BMP1: variants seen among roughly 807,000 people sequenced by gnomAD.
BMP1 encodes the protein bone morphogenetic protein 1, also known as mammalian tolloid protein.
BMP1 carries 63 observed loss-of-function variants against 116.8 expected under a neutral mutation model. That is an observed-to-expected ratio of 0.54 (90% CI 0.44 to 0.67). The LOEUF (loss-of-function observed/expected upper bound fraction) is 0.67. BMP1 is among the 30% of genes least tolerant of loss of function. The probability of loss-of-function intolerance (pLI) is 0.00; values close to 1 mark genes in which losing one functional copy is unlikely to be tolerated. For missense variants in BMP1, 1,183 were observed against 1,358.9 expected (o/e 0.87, Z 2.04); for synonymous variants, 536 against 533.4 (o/e 1.00, Z -0.07).
intron 19 of BMP1, among the ~76,000 whole-genome samples, chr8:22,210,708 G>T (rs1829449296): frequency 6.6e-6 from 1 of 152,150 alleles, no homozygotes; most frequent in African/African-American, 2.4e-5. Flanking sequence ...ACAAGGTGGA[G>T]CCTGAAGCAG....
chr8:22,193,807 G>A (rs1047932673), intron 9 of BMP1, among the ~76,000 whole-genome samples: 142 of 152,254 alleles, frequency 9.3e-4, no homozygotes, highest in Admixed American at 9.3e-3. Flanking sequence ...AAGATAAAAT[G>A]AAAAATAAAG....
intron 1 of BMP1, 21 bp downstream of exon 1, chr8:22,165,574 C>A (rs376619963): frequency 7.7e-5 from 120 of 1,566,170 alleles, no homozygotes; most frequent in South Asian, 1.3e-4. Context: ...CCCGGCCCCC[C>A]GGCGACGGGC....
chr8:22,168,685 G>A (rs1311547028), intron 1 of BMP1, among the ~76,000 whole-genome samples: 4 of 152,136 alleles, frequency 2.6e-5, no homozygotes, highest in Admixed American at 2.0e-4. Context: ...CTCTGAGGTC[G>A]AGAAGTAATC....
At chr8:22,172,726 C>T (rs1372879078) in intron 1 of BMP1, among the ~76,000 whole-genome samples, 1 of 150,444 alleles carries the variant, frequency 6.6e-6, no homozygotes, top group Non-Finnish European at 1.5e-5. Flanking sequence ...GATCCACCTG[C>T]CTCAGCCTCC....
At chr8:22,190,904 G>C (rs1479618991) in intron 8 of BMP1, among the ~76,000 whole-genome samples, 1 of 152,152 alleles carries the variant, frequency 6.6e-6, no homozygotes, top group African/African-American at 2.4e-5. Context: ...CGCTGCACTG[G>C]CCTCGCAGGT....
At chr8:22,178,744 C>T (rs1431803474) in intron 6 of BMP1, among the ~76,000 whole-genome samples, 2 of 152,074 alleles carry the variant, frequency 1.3e-5, no homozygotes, top group African/African-American at 4.8e-5. Flanking sequence ...GCCCAGCCTC[C>T]CCTCCCCCAA....
chr8:22,170,406 GTA>G (rs1828243940), intron 1 of BMP1: 1 of 152,322 alleles, frequency 6.6e-6, no homozygotes, highest in Non-Finnish European at 1.5e-5. Flanking sequence ...GGGGGTTCGT[GTA>G]TATGTCTTAT....
chr8:22,199,858 T>G (rs1036273044), intron 15 of BMP1, among the ~76,000 whole-genome samples: 3 of 152,166 alleles, frequency 2.0e-5, no homozygotes, highest in African/African-American at 2.4e-5. Context: ...TGGGAAGGAC[T>G]TGGGGACTCC....
intron 13 of BMP1, 90 bp downstream of exon 13, chr8:22,195,677 G>A: frequency 1.3e-6 from 2 of 1,527,044 alleles, no homozygotes; most frequent in Non-Finnish European, 8.8e-7. Flanking sequence ...ACAGGCTTTT[G>A]CTCTGTCACC....
intron 8 of BMP1, among the ~76,000 whole-genome samples, chr8:22,186,422 T>C (rs1252123889): frequency 6.6e-6 from 1 of 152,210 alleles, no homozygotes; most frequent in African/African-American, 2.4e-5. Flanking sequence ...CTGTGTGGTC[T>C]TGGGGAAGTT....
At chr8:22,195,423 A>G in intron 12 of BMP1, 39 bp from the exon 13 acceptor site, 2 of 1,570,138 alleles carry the variant, frequency 1.3e-6, no homozygotes, top group Non-Finnish European at 1.7e-6. Context: ...CTTCCCTTGA[A>G]TGCCTGGAGT....
intron 15 of BMP1, among the ~76,000 whole-genome samples, chr8:22,200,849 C>T (rs978676428): frequency 3.3e-5 from 5 of 152,176 alleles, no homozygotes; most frequent in African/African-American, 7.2e-5. Flanking sequence ...TAGTGGGCTA[C>T]GTGTGCCAAC....
intron 1 of BMP1, among the ~76,000 whole-genome samples, chr8:22,169,091 C>G (rs944772349): frequency 2.0e-5 from 3 of 150,584 alleles, no homozygotes; most frequent in African/African-American, 7.4e-5. Context: ...AGTTGGAGCT[C>G]GAGAGTTCAA....
intron 7 of BMP1, 125 bp from the exon 8 acceptor site, chr8:22,180,243 A>T: frequency 1.3e-6 from 1 of 766,536 alleles, no homozygotes; most frequent in South Asian, 1.6e-5. Flanking sequence ...ACCATTGCAG[A>T]CACCCTCCCA....
At chr8:22,199,501 G>A (rs975741334) in intron 15 of BMP1, 28 of 1,059,560 alleles carry the variant, frequency 2.6e-5, no homozygotes, top group Non-Finnish European at 3.0e-5. Context: ...GGACACTGAA[G>A]CAGCCTTCCT....
intron 1 of BMP1, among the ~76,000 whole-genome samples, chr8:22,165,907 G>GTGTGTC (rs962463406): frequency 7.9e-6 from 1 of 126,842 alleles, no homozygotes; most frequent in African/African-American, 2.5e-5. Context: ...GTGTGTGTGT[G>GTGTGTC]TGTGTGTGTG....
intron 8 of BMP1, among the ~76,000 whole-genome samples, chr8:22,183,372 C>T (rs187000425): frequency 6.6e-6 from 1 of 152,074 alleles, no homozygotes; most frequent in Non-Finnish European, 1.5e-5. Flanking sequence ...GCTATGATTA[C>T]GCCACTACAC....
At chr8:22,199,251 T>G (rs946070520) in intron 15 of BMP1, 3 of 1,367,522 alleles carry the variant, frequency 2.2e-6, no homozygotes, top group Non-Finnish European at 2.9e-6. Flanking sequence ...GGCATCTGAC[T>G]CTGGCCCCCC....
chr8:22,168,586 G>C (rs1284938705), intron 1 of BMP1, among the ~76,000 whole-genome samples: 1 of 152,186 alleles, frequency 6.6e-6, no homozygotes, highest in East Asian at 1.9e-4. Flanking sequence ...GGGAGGGGCA[G>C]CACTTACCAG....
Sources: gnomAD v4.1 joint callset for allele counts (sites outside exome capture counted in the v4.1 genomes callset) on GRCh38, gnomAD v4.1.1 for gene constraint, MANE v1.5 for transcripts, NCBI Gene and HGNC (gene_info 2026-07-23, HGNC 2026-07-21) for gene names.